ASH1L: variants seen among roughly 807,000 people sequenced by gnomAD.
ASH1L encodes the protein ASH1 like histone lysine methyltransferase, also known as histone-lysine N-methyltransferase ASH1L.
A neutral mutation model predicts 269.0 loss-of-function variants in ASH1L; 23 were observed. The ratio of observed to expected loss-of-function variants is 0.09; its 90% CI spans 0.06 to 0.12. The LOEUF is 0.12. Among genes scored for constraint, ASH1L ranks in the 10% least tolerant of loss-of-function variants. The pLI is 1.00. For synonymous variants in ASH1L, 1,187 were observed against 1,253.5 expected (o/e 0.95, Z 1.12); for missense variants, 2,912 against 3,567.8 (o/e 0.82, Z 4.68).
chr1:155,414,755 C>A (rs1317051820), intron 6 of ASH1L, among the ~76,000 whole-genome samples: 1 of 152,124 alleles, frequency 6.6e-6, no homozygotes, highest in East Asian at 1.9e-4. Context: ...ATCTTTGTAT[C>A]CTTTTTACAT....
intron 3 of ASH1L, among the ~76,000 whole-genome samples, chr1:155,466,141 T>C (rs1332157161): frequency 2.0e-5 from 3 of 151,952 alleles, no homozygotes; most frequent in Non-Finnish European, 4.4e-5. Flanking sequence ...GATCACGAGG[T>C]CAGGAGATTG....
intron 5 of ASH1L, among the ~76,000 whole-genome samples, chr1:155,420,521 A>T (rs1660586929): frequency 6.6e-6 from 1 of 151,692 alleles, no homozygotes; most frequent in Non-Finnish European, 1.5e-5. Context: ...TAACAAATAC[A>T]TGCAGTACAT....
At chr1:155,345,174 C>CTTTTTTTTTTTTTTTTTTTTTTTTTTTTT (rs397981613) in intron 21 of ASH1L, among the ~76,000 whole-genome samples, 1 of 64,022 alleles carries the variant, frequency 1.6e-5, no homozygotes, top group African/African-American at 6.5e-5. Context: ...CCAGGATGGT[C>CTTTTTTTTTTTTTTTTTTTTTTTTTTTTT]TTTTTTTTTT....
At chr1:155,493,634 G>C (rs1666958239) in intron 2 of ASH1L, among the ~76,000 whole-genome samples, 1 of 152,224 alleles carries the variant, frequency 6.6e-6, no homozygotes, top group African/African-American at 2.4e-5. Flanking sequence ...TTGGGAGGCT[G>C]AGGCAGGAGG....
intron 7 of ASH1L, among the ~76,000 whole-genome samples, chr1:155,392,887 G>A (rs562234674): frequency 3.3e-5 from 5 of 150,556 alleles, no homozygotes; most frequent in South Asian, 2.1e-4. Context: ...CACCCATGCC[G>A]GAGTGCAATG....
At chr1:155,388,831 T>C (rs1657661210) in intron 7 of ASH1L, among the ~76,000 whole-genome samples, 1 of 151,322 alleles carries the variant, frequency 6.6e-6, no homozygotes. Context: ...GTGATCCTCC[T>C]GCCTCAGCCT....
In ASH1L at chr1:155,352,795, G is replaced by A. The variant is rs1236187110; in HGVS notation, c.7277C>T (p.Ala2426Val). 6.2e-7 allele frequency: 1 copy of A among 1,614,088 alleles called. No homozygotes were observed. Among genetic ancestry groups the A allele is most frequent in the Non-Finnish European group, 8.5e-7 (1 of 1,179,988 alleles). The change falls in exon 17 of 28, where the codon GCA (alanine) becomes GTA (valine). Residue 2426 changes from alanine to valine, a missense_variant. Transcript: ENST00000392403. ...TARSVRTRRL[A>V]AAEENIEVAR... is the part of the protein sequence containing the mutation. ...CACTTCAATATTTTCCTCTGCAGCT[G>A]CCAACCGTCTTGTTCGAACAGATCG...
chr1:155,538,756 C>T (rs1670230372), intron 1 of ASH1L, among the ~76,000 whole-genome samples: 1 of 151,650 alleles, frequency 6.6e-6, no homozygotes, highest in South Asian at 2.1e-4. Context: ...GATCCTCCCA[C>T]CTCAGCTTCC....
intron 2 of ASH1L, among the ~76,000 whole-genome samples, chr1:155,519,179 C>A (rs1571046372): frequency 1.3e-5 from 2 of 151,984 alleles, no homozygotes; most frequent in African/African-American, 4.8e-5. Flanking sequence ...TCACGCCTGT[C>A]ATCCCAGCAC....
chr1:155,415,788 C>T lies in ASH1L; in HGVS notation c.5964G>A (p.Lys1988=). The T allele has an allele frequency of 1.9e-6, 3 of 1,613,956 alleles. No homozygotes were observed. The highest frequency in any genetic ancestry group is 2.2e-5 in the South Asian group (2 of 91,072). The part of the protein sequence containing the change: ...EKKPPRPPKK[K]YQKAGLYSDV... Reference sequence around the variant, plus strand: ...CAGAATACAGCCCTGCTTTCTGATACTTCTTCTTTGGGGGACGTGGGGGCT... The same window carrying T: ...CAGAATACAGCCCTGCTTTCTGATATTTCTTCTTTGGGGGACGTGGGGGCT... The change falls in exon 6 of 28, where the codon AAG becomes AAA. Residue 1988 remains lysine (K), a synonymous_variant. Transcript: ENST00000392403.
intron 1 of ASH1L, among the ~76,000 whole-genome samples, chr1:155,533,717 C>CAAAA (rs569067721): frequency 1.3e-5 from 1 of 79,706 alleles, no homozygotes; most frequent in Non-Finnish European, 2.8e-5. Flanking sequence ...GACTCCGTCT[C>CAAAA]AAAAAAAAAA....
At chr1:155,489,981 T>C (rs1359256365) in intron 2 of ASH1L, among the ~76,000 whole-genome samples, 1 of 151,800 alleles carries the variant, frequency 6.6e-6, no homozygotes, top group Non-Finnish European at 1.5e-5. Flanking sequence ...GACTTTTTTT[T>C]TTTTTGAGAC....
intron 1 of ASH1L, among the ~76,000 whole-genome samples, chr1:155,539,862 C>T (rs1425478851): frequency 6.6e-6 from 1 of 151,648 alleles, no homozygotes; most frequent in Non-Finnish European, 1.5e-5. Context: ...TTGAGACCAG[C>T]CTGGGCAACA....
intron 4 of ASH1L, among the ~76,000 whole-genome samples, chr1:155,446,989 T>C (rs1337917215): frequency 6.6e-6 from 1 of 152,264 alleles, no homozygotes; most frequent in African/African-American, 2.4e-5. Flanking sequence ...ATTGTACTGT[T>C]AAACTCATTT....
intron 2 of ASH1L, among the ~76,000 whole-genome samples, chr1:155,489,951 C>A (rs1666647223): frequency 6.6e-6 from 1 of 151,844 alleles, no homozygotes; most frequent in Non-Finnish European, 1.5e-5. Context: ...ATTAGTTACA[C>A]ACTAGACAAT....
Position 155,454,760 on chromosome 1 carries a change from C to T in ASH1L, c.5086+5037G>A, listed in dbSNP as rs1482677912. On this transcript the variant is annotated intron_variant, in intron 4 of 27. Transcript: ENST00000392403. ...TCCAGCCTGGGTGACAAGAGCGAGACTCTGTCAAAAATAATAAATAAATAA... is the reference window on the plus strand; with the variant it reads ...TCCAGCCTGGGTGACAAGAGCGAGATTCTGTCAAAAATAATAAATAAATAA... Among the ~76,000 whole-genome samples the T allele has an allele frequency of 2.0e-5, 3 of 151,942 alleles. No homozygotes were observed. The South Asian group carries it at 6.2e-4, about 31-fold the overall frequency.
chr1:155,434,377 T>A, intron 5 of ASH1L: 1 of 1,459,978 alleles, frequency 6.8e-7, no homozygotes, highest in Non-Finnish European at 9.3e-7. Context: ...AAGGAAGGAA[T>A]TGGGAACACA....
chr1:155,526,285 C>CT (rs1383055368), intron 1 of ASH1L, among the ~76,000 whole-genome samples: 2 of 152,152 alleles, frequency 1.3e-5, no homozygotes, highest in African/African-American at 2.4e-5. Context: ...TAGCAAATGT[C>CT]TTTTTTCCTG....
chr1:155,459,990 T>C, intron 3 of ASH1L, 92 bp from the exon 4 acceptor site: 1 of 914,834 alleles, frequency 1.1e-6, no homozygotes, highest in Non-Finnish European at 1.6e-6. Flanking sequence ...TACAGTTTAG[T>C]TGCTGCCACT....
Sources: allele counts gnomAD v4.1 joint callset (sites outside exome capture counted in the v4.1 genomes callset), GRCh38; gene constraint gnomAD v4.1.1; transcripts MANE v1.5; gene names NCBI Gene and HGNC (gene_info 2026-07-23, HGNC 2026-07-21).